The following AP3B1 variants were observed in gnomAD, a reference collection of about 807,000 sequenced individuals.
AP3B1 encodes adaptor related protein complex 3 subunit beta 1.
AP3B1 carries 61 observed loss-of-function variants against 132.5 expected under a neutral mutation model. The observed-to-expected ratio is 0.46, with a 90% CI of 0.37 to 0.57. AP3B1 has a LOEUF of 0.57. AP3B1 is among the 20% of genes least tolerant of loss of function. The pLI is 0.00. For missense variants in AP3B1, 1,120 were observed against 1,289.4 expected, an observed-to-expected ratio of 0.87 and a Z score of 2.01; for synonymous variants, 388 against 438.3, an observed-to-expected ratio of 0.89 and a Z score of 1.43.
At chr5:78,048,297 T>C in intron 22 of AP3B1, among the ~76,000 whole-genome samples, 1 of 152,184 alleles carries the variant, frequency 6.6e-6, no homozygotes, top group East Asian at 1.9e-4. Context: ...TTTTATTTGG[T>C]TCAAGACTAA....
intron 2 of AP3B1, among the ~76,000 whole-genome samples, chr5:78,256,168 T>C (rs765852255): frequency 7.3e-5 from 11 of 150,606 alleles, no homozygotes; most frequent in Admixed American, 1.3e-4. Flanking sequence ...AAAGAAATAA[T>C]AGAGACCAGA....
At position 78,113,885 on chromosome 5, in the gene AP3B1, T is replaced by C; in HGVS notation, c.2116A>G (p.Ser706Gly). The C allele has an allele frequency of 6.2e-7, 1 of 1,614,168 alleles. No individual in the cohort carries two copies. Among genetic ancestry groups the C allele is most frequent in the Non-Finnish European group, 8.5e-7 (1 of 1,180,024 alleles). Residue 706 changes from serine (S) to glycine (G), a missense_variant, in exon 19 of 27, where the codon AGT becomes GGT. Transcript: ENST00000255194. The stretch of plus-strand genomic sequence containing the variant: ...TCATTGCTGTCTCCTTCCTCCCCAC[T>C]TTCGCCTTGTTCTCCACTTTCACTT... ...SGSESGEQGESGEEGDSNEDS... is the reference protein window; with the variant it reads ...SGSESGEQGEGGEEGDSNEDS...
At chr5:78,083,149 A>G (rs1750089158) in intron 22 of AP3B1, among the ~76,000 whole-genome samples, 1 of 152,086 alleles carries the variant, frequency 6.6e-6, no homozygotes, top group Non-Finnish European at 1.5e-5. Context: ...GGAAGGTCAG[A>G]CTCTGATTTT....
At chr5:78,184,299 G>C (rs950523331) in intron 7 of AP3B1, among the ~76,000 whole-genome samples, 7 of 152,036 alleles carry the variant, frequency 4.6e-5, no homozygotes, top group Non-Finnish European at 1.0e-4. Flanking sequence ...GCAGAGGAGG[G>C]GGACAAAAGA....
At chr5:78,222,804 T>C (rs1041728082) in intron 6 of AP3B1, among the ~76,000 whole-genome samples, 2 of 151,910 alleles carry the variant, frequency 1.3e-5, no homozygotes, top group African/African-American at 4.8e-5. Flanking sequence ...TTACCATACA[T>C]TAAAAAAAAG....
At chr5:78,030,604 T>C (rs1356168025) in intron 24 of AP3B1, among the ~76,000 whole-genome samples, 2 of 152,186 alleles carry the variant, frequency 1.3e-5, no homozygotes, top group Non-Finnish European at 2.9e-5. Flanking sequence ...ATCTTTTTCA[T>C]AGTTTTTCAT....
rs747191330 is a variant in AP3B1, at chr5:78,177,415, G to A, written c.964C>T (p.Leu322=). The A allele has an allele frequency of 7.4e-6, 12 of 1,613,628 alleles. No individual in the cohort carries two copies. The South Asian group carries it at 1.2e-4, about 16-fold the overall frequency. Residue 322 remains leucine (L), a synonymous_variant, in exon 9 of 27, where the codon CTG becomes TTG. Coordinates refer to ENST00000255194, the MANE Select transcript of AP3B1 (RefSeq NM_003664.5). ...GATTTTGGTGATATGTGCCAATACA[G>A]CTGAGCAACTGCCATAACCACCTAC... ...NAAVVMAVAQ[L]YWHISPKSEA...
At chr5:78,165,492 G>A (rs1430131650) in intron 12 of AP3B1, 118 bp downstream of exon 12, 1 of 743,206 alleles carries the variant, frequency 1.3e-6, no homozygotes, top group Admixed American at 2.4e-5. Flanking sequence ...TTAGTTGTCA[G>A]TCTTGTCCCA....
intron 7 of AP3B1, among the ~76,000 whole-genome samples, chr5:78,206,611 G>A (rs923946763): frequency 9.9e-5 from 15 of 151,842 alleles, no homozygotes; most frequent in African/African-American, 3.6e-4. Context: ...ACGTTACTAA[G>A]AACACGAAAT....
chr5:78,263,438 T>C (rs1481902345), intron 2 of AP3B1, among the ~76,000 whole-genome samples: 1 of 152,232 alleles, frequency 6.6e-6, no homozygotes, highest in African/African-American at 2.4e-5. Context: ...TAAGATGATG[T>C]GAATAAAAAT....
chr5:78,181,197 A>C (rs1186631880), intron 8 of AP3B1, among the ~76,000 whole-genome samples: 1 of 152,150 alleles, frequency 6.6e-6, no homozygotes, highest in African/African-American at 2.4e-5. Flanking sequence ...AGAAAAGCCA[A>C]TTAACAAAAC....
At chr5:78,118,706 T>C (rs1178408924) in intron 17 of AP3B1, among the ~76,000 whole-genome samples, 1 of 152,144 alleles carries the variant, frequency 6.6e-6, no homozygotes, top group Non-Finnish European at 1.5e-5. Flanking sequence ...CCACCACAGC[T>C]CAAGGAGGCC....
Position 78,294,547 on chromosome 5 carries a change from C to G in AP3B1, c.33G>C (p.Gln11His), listed in dbSNP as rs977197497. The G allele has an allele frequency of 2.5e-6, 4 of 1,614,250 alleles. No homozygotes were observed. The highest frequency in any genetic ancestry group is 3.4e-6 in the Non-Finnish European group (4 of 1,180,052). ...GCTCCGTCGCCTCCCCTCCTCCGGA[C>G]TGCTCATTGTAAGGAAAACTATTGC... The part of the protein sequence containing the change: MSSNSFPYNE[Q>H]SGGGEATELG... The change falls in exon 1 of 27, where the codon CAG becomes CAC. Residue 11 changes from glutamine (Q) to histidine (H), a missense_variant. By Grantham distance (24) the Gln-to-His change is conservative. Transcript: ENST00000255194.
intron 26 of AP3B1, among the ~76,000 whole-genome samples, chr5:78,009,671 A>C (rs1185438736): frequency 6.6e-6 from 1 of 151,140 alleles, no homozygotes; most frequent in African/African-American, 2.4e-5. Flanking sequence ...ACCAACATTT[A>C]TTCGACTAGG....
intron 15 of AP3B1, among the ~76,000 whole-genome samples, chr5:78,133,317 G>A (rs1274019285): frequency 1.3e-5 from 2 of 152,168 alleles, no homozygotes; most frequent in African/African-American, 2.4e-5. Flanking sequence ...CATCTAGAAA[G>A]GGTGGGAAAA....
At chr5:78,264,030 T>C (rs1748214967) in intron 2 of AP3B1, among the ~76,000 whole-genome samples, 1 of 152,158 alleles carries the variant, frequency 6.6e-6, no homozygotes, top group South Asian at 2.1e-4. Context: ...CTATGCCATA[T>C]AGCCTAAGTG....
chr5:78,288,958 C>T (rs1305999187), intron 1 of AP3B1, among the ~76,000 whole-genome samples: 3 of 141,168 alleles, frequency 2.1e-5, no homozygotes, highest in Non-Finnish European at 4.7e-5. Flanking sequence ...AAAAAAAACA[C>T]CCAAAAATAT....
At position 78,110,195 on chromosome 5, in the gene AP3B1, A is replaced by G. The variant is rs1751512981; in HGVS notation, c.2397+12T>C. The G allele has an allele frequency of 3.1e-6, 5 of 1,596,268 alleles. No homozygotes were observed. Among genetic ancestry groups the G allele is most frequent in the African/African-American group, 1.3e-5 (1 of 74,704 alleles). Reference sequence around the variant, plus strand: ...ATTTACCTTCAATTACAACAAATGTATAATCTCTTACCTTAGTGACTCTTC... The same window carrying G: ...ATTTACCTTCAATTACAACAAATGTGTAATCTCTTACCTTAGTGACTCTTC... On this transcript the variant is annotated intron_variant, in intron 20 of 26. Transcript: ENST00000255194.
At chr5:78,132,852 T>G (rs1752747837) in intron 15 of AP3B1, among the ~76,000 whole-genome samples, 1 of 152,216 alleles carries the variant, frequency 6.6e-6, no homozygotes, top group African/African-American at 2.4e-5. Flanking sequence ...TATTGTTTGT[T>G]AAATGTACAC....
Sources: gnomAD v4.1 joint callset for allele counts (sites outside exome capture counted in the v4.1 genomes callset) on GRCh38, gnomAD v4.1.1 for gene constraint, MANE v1.5 for transcripts, NCBI Gene and HGNC (gene_info 2026-07-23, HGNC 2026-07-21) for gene names.